Variants in PIP4K2A observed in about 807,000 individuals in gnomAD.
PIP4K2A encodes the protein phosphatidylinositol-5-phosphate 4-kinase type 2 alpha.
PIP4K2A carries 14 observed loss-of-function variants against 42.9 expected under a neutral mutation model. That is an observed-to-expected ratio of 0.33 (90% confidence interval 0.22 to 0.51). The LOEUF (loss-of-function observed/expected upper bound fraction) is 0.51. PIP4K2A is among the 20% of genes least tolerant of loss of function. PIP4K2A has a pLI of 0.97. For synonymous variants in PIP4K2A, 192 were observed against 192.2 expected (o/e 1.00, Z 0.01); for missense variants, 434 against 519.8 (o/e 0.83, Z 1.61).
At chr10:22,672,288 G>T (rs139888767) in intron 1 of PIP4K2A, among the ~76,000 whole-genome samples, 1 of 149,972 alleles carries the variant, frequency 6.7e-6, no homozygotes, top group African/African-American at 2.5e-5. Context: ...GGACAGTGTG[G>T]GGGGGGATTG....
intron 4 of PIP4K2A, among the ~76,000 whole-genome samples, chr10:22,575,703 G>GC (rs914040281): frequency 3.3e-5 from 5 of 152,032 alleles, no homozygotes; most frequent in African/African-American, 7.2e-5. Flanking sequence ...ACTTTTGGAG[G>GC]CCAAGGCAGG....
chr10:22,644,373 G>A (rs1295299681), intron 1 of PIP4K2A, among the ~76,000 whole-genome samples: 1 of 152,174 alleles, frequency 6.6e-6, no homozygotes, highest in Non-Finnish European at 1.5e-5. Context: ...AAAGCCTCCT[G>A]GGAGGTCTTG....
At chr10:22,567,999 T>C (rs1836890537) in intron 5 of PIP4K2A, 110 bp from the exon 6 acceptor site, 2 of 952,636 alleles carry the variant, frequency 2.1e-6, no homozygotes, top group South Asian at 1.3e-5. Context: ...CAGCACCCAC[T>C]CTGCTTCGCA....
chr10:22,579,055 A>G (rs1026625882), intron 4 of PIP4K2A, among the ~76,000 whole-genome samples: 2 of 152,200 alleles, frequency 1.3e-5, no homozygotes, highest in Admixed American at 1.3e-4. Context: ...ACAAATGAAG[A>G]ACTTTACACA....
intron 1 of PIP4K2A, among the ~76,000 whole-genome samples, chr10:22,664,074 T>TACATATATATAC (rs1554807193): frequency 1.2e-5 from 1 of 83,938 alleles, no homozygotes; most frequent in African/African-American, 7.1e-5. Context: ...TATATATATA[T>TACATATATATAC]ACGTATATAT....
rs938260237 is a variant in PIP4K2A, at chr10:22,535,319, T to C, written c.*1882A>G. Reference sequence around the variant, plus strand: ...TGCAGGGAAAAACCAAATCATAGTATGGATTACTTTAAATACATAAAAGAT... The same window carrying C: ...TGCAGGGAAAAACCAAATCATAGTACGGATTACTTTAAATACATAAAAGAT... On this transcript the variant is annotated 3_prime_UTR_variant, in exon 10 of 10. Coordinates refer to ENST00000376573, the MANE Select transcript of PIP4K2A (RefSeq NM_005028.5). 1 of 152,214 alleles carries C rather than the reference T, an allele frequency of 6.6e-6. No homozygotes were observed. Among genetic ancestry groups the C allele is most frequent in the African/African-American group, 2.4e-5 (1 of 41,436 alleles). 9.4% of individuals were successfully genotyped at this position (152,214 alleles called of 1,614,324 possible). A position where few individuals can be genotyped will look rare whatever the true frequency, so the allele number is the denominator to read the frequency against.
At chr10:22,653,621 T>C (rs1019112158) in intron 1 of PIP4K2A, among the ~76,000 whole-genome samples, 4 of 152,102 alleles carry the variant, frequency 2.6e-5, no homozygotes, top group Admixed American at 2.6e-4. Flanking sequence ...CTAAAGTTAG[T>C]GGAGATTTGG....
chr10:22,683,488 T>A (rs1277511858), intron 1 of PIP4K2A, among the ~76,000 whole-genome samples: 1 of 152,206 alleles, frequency 6.6e-6, no homozygotes, highest in Non-Finnish European at 1.5e-5. Context: ...TTTGCTCATC[T>A]GTCAAATGTG....
chr10:22,689,744 T>G (rs980338820), intron 1 of PIP4K2A, among the ~76,000 whole-genome samples: 1 of 152,184 alleles, frequency 6.6e-6, no homozygotes, highest in Non-Finnish European at 1.5e-5. Context: ...TTGTAAATAA[T>G]GCATACAGGT....
intron 6 of PIP4K2A, among the ~76,000 whole-genome samples, chr10:22,556,354 A>G (rs1018268207): frequency 1.3e-5 from 2 of 152,202 alleles, no homozygotes; most frequent in African/African-American, 4.8e-5. Context: ...CACCTGCAAA[A>G]GCTATTCCTA....
intron 1 of PIP4K2A, among the ~76,000 whole-genome samples, chr10:22,676,173 G>A (rs895076870): frequency 6.6e-6 from 1 of 152,096 alleles, no homozygotes; most frequent in African/African-American, 2.4e-5. Flanking sequence ...CTCAAAAACT[G>A]TGGTCCCAGT....
intron 7 of PIP4K2A, among the ~76,000 whole-genome samples, chr10:22,545,748 A>C (rs1482588179): frequency 6.6e-6 from 1 of 152,232 alleles, no homozygotes; most frequent in Non-Finnish European, 1.5e-5. Context: ...TCTGTTGCCC[A>C]GGCTGGAGTA....
At chr10:22,709,011 T>G (rs1299602683) in intron 1 of PIP4K2A, among the ~76,000 whole-genome samples, 1 of 152,168 alleles carries the variant, frequency 6.6e-6, no homozygotes, top group Non-Finnish European at 1.5e-5. Flanking sequence ...CTCAAAATCT[T>G]GGCCTCAAGC....
intron 1 of PIP4K2A, among the ~76,000 whole-genome samples, chr10:22,623,264 T>G (rs1838368942): frequency 6.6e-6 from 1 of 151,878 alleles, no homozygotes; most frequent in South Asian, 2.1e-4. Context: ...GTGTCTGGGG[T>G]CGGGGGTGAA....
At chr10:22,645,953 C>A (rs1177329566) in intron 1 of PIP4K2A, among the ~76,000 whole-genome samples, 1 of 152,124 alleles carries the variant, frequency 6.6e-6, no homozygotes, top group Non-Finnish European at 1.5e-5. Flanking sequence ...AACTCCTGGG[C>A]TCAAGAGATC....
intron 4 of PIP4K2A, among the ~76,000 whole-genome samples, chr10:22,585,423 C>T (rs1330012166): frequency 6.6e-6 from 1 of 152,114 alleles, no homozygotes; most frequent in Non-Finnish European, 1.5e-5. Flanking sequence ...ATCAATTTTA[C>T]CCATTTATCG....
intron 1 of PIP4K2A, among the ~76,000 whole-genome samples, chr10:22,679,001 T>C (rs757428143): frequency 1.4e-4 from 21 of 152,212 alleles, no homozygotes; most frequent in Non-Finnish European, 2.5e-4. Context: ...ATTTAAAAAA[T>C]TCTCTAAAAT....
intron 7 of PIP4K2A, among the ~76,000 whole-genome samples, chr10:22,542,879 C>A (rs1448123704): frequency 6.6e-6 from 1 of 152,228 alleles, no homozygotes; most frequent in South Asian, 2.1e-4. Flanking sequence ...AACTGGCTCC[C>A]TGACCCCGTG....
At chr10:22,684,563 C>T (rs1395035183) in intron 1 of PIP4K2A, among the ~76,000 whole-genome samples, 1 of 152,132 alleles carries the variant, frequency 6.6e-6, no homozygotes, top group Non-Finnish European at 1.5e-5. Context: ...ATATTCCCTA[C>T]CTCAAACAAA....
Sources: gnomAD v4.1 joint callset for allele counts (sites outside exome capture counted in the v4.1 genomes callset) on GRCh38, gnomAD v4.1.1 for gene constraint, MANE v1.5 for transcripts, NCBI Gene and HGNC (gene_info 2026-07-23, HGNC 2026-07-21) for gene names.